TBC1D5: variants seen among roughly 807,000 people sequenced by gnomAD.
TBC1D5 encodes the protein TBC1 domain family, member 5.
A neutral mutation model predicts 100.3 loss-of-function variants in TBC1D5; 75 were observed. The ratio of observed to expected loss-of-function variants is 0.75; its 90% CI spans 0.62 to 0.91. TBC1D5 has a LOEUF of 0.91. Among genes scored for constraint, TBC1D5 ranks in the 40% least tolerant of loss-of-function variants. The pLI, the probability that TBC1D5 is intolerant of heterozygous loss-of-function variation, is 0.00. For missense variants in TBC1D5, 910 were observed against 942.4 expected, an observed-to-expected ratio of 0.97 and a Z score of 0.45; for synonymous variants, 323 against 325.6, an observed-to-expected ratio of 0.99 and a Z score of 0.09.
intron 15 of TBC1D5, among the ~76,000 whole-genome samples, chr3:17,261,643 C>A (rs1169603857): frequency 6.6e-6 from 1 of 152,144 alleles, no homozygotes; most frequent in East Asian, 1.9e-4. Flanking sequence ...CCACCTCAGC[C>A]TCCTGGTAGT....
intron 3 of TBC1D5, among the ~76,000 whole-genome samples, chr3:17,474,734 C>T (rs555344989): frequency 6.6e-6 from 1 of 152,206 alleles, no homozygotes; most frequent in African/African-American, 2.4e-5. Flanking sequence ...AGGAGAAGCA[C>T]AGGCTTTCAG....
intron 16 of TBC1D5, among the ~76,000 whole-genome samples, chr3:17,241,466 C>A (rs1264970441): frequency 6.6e-6 from 1 of 152,050 alleles, no homozygotes; most frequent in Non-Finnish European, 1.5e-5. Context: ...AATGAGTAAC[C>A]AATTTTGTGT....
At chr3:17,372,895 G>C (rs2092537681) in intron 12 of TBC1D5, among the ~76,000 whole-genome samples, 1 of 152,148 alleles carries the variant, frequency 6.6e-6, no homozygotes. Context: ...TTATCACCTA[G>C]TGTAGGGGTC....
chr3:17,174,999 T>C (rs2067565864), intron 19 of TBC1D5, among the ~76,000 whole-genome samples: 2 of 152,210 alleles, frequency 1.3e-5, no homozygotes, highest in Admixed American at 1.3e-4. Flanking sequence ...GGAATAAATG[T>C]AGGTGAGATA....
At chr3:17,612,235 G>A (rs1441655782) in intron 2 of TBC1D5, among the ~76,000 whole-genome samples, 1 of 151,302 alleles carries the variant, frequency 6.6e-6, no homozygotes, top group East Asian at 1.9e-4. Flanking sequence ...CAGGGGTCTA[G>A]GCTACAGTAT....
At chr3:17,214,480 C>A (rs542213662) in intron 17 of TBC1D5, 110 bp from the exon 19 acceptor site, 2 of 1,096,806 alleles carry the variant, frequency 1.8e-6, no homozygotes, top group African/African-American at 1.6e-5. Context: ...TAGGTTGATA[C>A]TATCAACATA....
At chr3:17,376,585 A>G in exon 10 of TBC1D5, 1 of 1,613,136 alleles carries the variant, frequency 6.2e-7, no homozygotes, top group South Asian at 1.1e-5. Flanking sequence ...AAGGACAAAG[A>G]CTATAGGTGC....
chr3:17,411,149 G>C (rs1221309848), intron 4 of TBC1D5, among the ~76,000 whole-genome samples: 4 of 151,620 alleles, frequency 2.6e-5, no homozygotes, highest in African/African-American at 9.7e-5. Context: ...AACAAGGCAA[G>C]ACCCTCTACC....
chr3:17,729,545 A>G (rs1308302476), intron 1 of TBC1D5, among the ~76,000 whole-genome samples: 1 of 151,944 alleles, frequency 6.6e-6, no homozygotes, highest in Non-Finnish European at 1.5e-5. Context: ...ATCTCAACTA[A>G]AGATACAAAA....
intron 13 of TBC1D5, among the ~76,000 whole-genome samples, chr3:17,344,160 GA>G (rs986447372): frequency 6.6e-6 from 1 of 152,092 alleles, no homozygotes; most frequent in Non-Finnish European, 1.5e-5. Flanking sequence ...GTATTATCTA[GA>G]AAACCCGATT....
intron 2 of TBC1D5, chr3:17,562,123 G>A (rs1052919009): frequency 2.0e-5 from 3 of 151,896 alleles, no homozygotes; most frequent in African/African-American, 7.3e-5. Context: ...CAGCCTGGAT[G>A]ACAGAGTGAG....
intron 1 of TBC1D5, among the ~76,000 whole-genome samples, chr3:17,697,532 A>T (rs9816920): frequency 2.6e-5 from 4 of 152,044 alleles, no homozygotes; most frequent in Middle Eastern, 6.8e-3. Context: ...AAAATGCCTA[A>T]GAATCCAACT....
exon 18 of TBC1D5, chr3:17,214,280 G>C: frequency 6.2e-7 from 1 of 1,613,524 alleles, no homozygotes. Flanking sequence ...ATCTTTTTTA[G>C]TAGCAGATGA....
intron 17 of TBC1D5, among the ~76,000 whole-genome samples, chr3:17,230,948 GTAAATGC>G (rs2075363323): frequency 6.6e-6 from 1 of 152,112 alleles, no homozygotes; most frequent in Non-Finnish European, 1.5e-5. Flanking sequence ...CTAATACAAT[GTAAATGC>G]TACGTAAATG....
chr3:17,186,710 CAAAAAAAAAAAAA>C (rs58438478), intron 18 of TBC1D5, among the ~76,000 whole-genome samples: 6 of 27,280 alleles, frequency 2.2e-4, no homozygotes, highest in East Asian at 3.6e-3. Flanking sequence ...ACTCTATCTC[CAAAAAAAAAAAAA>C]AAAAAAAAAA....
intron 1 of TBC1D5, among the ~76,000 whole-genome samples, chr3:17,724,956 T>C (rs1423067921): frequency 6.6e-6 from 1 of 152,216 alleles, no homozygotes; most frequent in Non-Finnish European, 1.5e-5. Flanking sequence ...TAATTATTAC[T>C]GCATTTTTCA....
chr3:17,241,935 C>T (rs933591290), intron 16 of TBC1D5, among the ~76,000 whole-genome samples: 4 of 152,154 alleles, frequency 2.6e-5, no homozygotes, highest in African/African-American at 7.2e-5. Flanking sequence ...TCTGATATTC[C>T]AACCTTAAAA....
At chr3:17,208,064 TA>T (rs757121883) in intron 18 of TBC1D5, among the ~76,000 whole-genome samples, 4 of 152,246 alleles carry the variant, frequency 2.6e-5, no homozygotes, top group Non-Finnish European at 5.9e-5. Flanking sequence ...GGATATGGAA[TA>T]TCGCTGTATC....
chr3:17,450,983 GA>G (rs1306310149), intron 3 of TBC1D5, among the ~76,000 whole-genome samples: 3 of 152,182 alleles, frequency 2.0e-5, no homozygotes, highest in African/African-American at 7.2e-5. Flanking sequence ...GCCAGCCAGA[GA>G]GAAAGGTCAG....
Sources: allele counts gnomAD v4.1 joint callset (sites outside exome capture counted in the v4.1 genomes callset), GRCh38; gene constraint gnomAD v4.1.1; transcripts MANE v1.5; gene names NCBI Gene and HGNC (gene_info 2026-07-23, HGNC 2026-07-21).